CNBD1: variants seen among roughly 807,000 people sequenced by gnomAD.
CNBD1 encodes cyclic nucleotide-binding domain-containing protein 1.
CNBD1 carries 71 observed loss-of-function variants against 54.4 expected under a neutral mutation model. That is an observed-to-expected ratio of 1.30 (90% CI 1.08 to 1.59). The LOEUF (loss-of-function observed/expected upper bound fraction) is 1.59, where lower values mean the gene tolerates loss of function less well. Ranked by LOEUF, CNBD1 falls within the 40% of genes most tolerant of loss-of-function variation. The pLI is 0.00. For missense variants in CNBD1, 659 were observed against 518.0 expected (o/e 1.27, Z -2.64); for synonymous variants, 182 against 170.7 (o/e 1.07, Z -0.51).
At chr8:87,175,076 T>C (rs1176629929) in intron 4 of CNBD1, among the ~76,000 whole-genome samples, 1 of 152,146 alleles carries the variant, frequency 6.6e-6, no homozygotes, top group Non-Finnish European at 1.5e-5. Context: ...ACACCCTGGC[T>C]ACTGCCTGTG....
intron 8 of CNBD1, among the ~76,000 whole-genome samples, chr8:87,307,149 A>G (rs1451392779): frequency 6.6e-6 from 1 of 152,228 alleles, no homozygotes; most frequent in African/African-American, 2.4e-5. Flanking sequence ...TAGATTTCAT[A>G]AAAACATAAG....
At chr8:86,995,955 C>A (rs1188228022) in intron 4 of CNBD1, among the ~76,000 whole-genome samples, 6 of 152,078 alleles carry the variant, frequency 3.9e-5, no homozygotes, top group African/African-American at 7.2e-5. Flanking sequence ...CTGTTTCTTG[C>A]CAAATAAGTC....
At chr8:87,146,014 A>T (rs1812479039) in intron 4 of CNBD1, among the ~76,000 whole-genome samples, 1 of 152,070 alleles carries the variant, frequency 6.6e-6, no homozygotes, top group Non-Finnish European at 1.5e-5. Flanking sequence ...ACTTATTTTC[A>T]TTCCTTCTTT....
rs1420082935 is a variant in CNBD1, at chr8:87,182,667, T to A, written c.432-23326T>A. Among the ~76,000 whole-genome samples, 2 of 152,182 alleles carry A rather than the reference T, an allele frequency of 1.3e-5. No individual in the cohort carries two copies. The highest frequency in any genetic ancestry group is 4.8e-5 in the African/African-American group (2 of 41,448). ...TGGTGATGTTGAGCATTTTTTCATA[T>A]GTTTGCTGCCTGAATGTATGTCTTC... On this transcript the variant is annotated intron_variant, in intron 4 of 10. Transcript: ENST00000518476. This position sits in a 1 kb window ranked among gnomAD's most constrained non-coding sequence, Gnocchi z 4.1.
At chr8:87,221,804 TTAGCTGTG>T (rs1179860468) in intron 5 of CNBD1, among the ~76,000 whole-genome samples, 2 of 152,142 alleles carry the variant, frequency 1.3e-5, no homozygotes, top group Admixed American at 6.6e-5. Flanking sequence ...TCCCGTCCAG[TTAGCTGTG>T]TAATATTTAC....
intron 4 of CNBD1, among the ~76,000 whole-genome samples, chr8:87,102,953 A>G (rs1045721131): frequency 6.6e-6 from 1 of 152,134 alleles, no homozygotes; most frequent in Non-Finnish European, 1.5e-5. Context: ...ATATAGGGAG[A>G]GAGGGATTCA....
intron 2 of CNBD1, among the ~76,000 whole-genome samples, chr8:87,407,259 C>A (rs905520358): frequency 6.6e-6 from 1 of 152,004 alleles, no homozygotes; most frequent in African/African-American, 2.4e-5. Flanking sequence ...ATATAAGAAA[C>A]ACAGTATATC....
At chr8:87,366,406 T>A (rs1563571536) in intron 10 of CNBD1, among the ~76,000 whole-genome samples, 1 of 152,148 alleles carries the variant, frequency 6.6e-6, no homozygotes, top group East Asian at 1.9e-4. Context: ...GCTCCATCCA[T>A]CTGGCCCTCT....
intron 8 of CNBD1, among the ~76,000 whole-genome samples, chr8:87,286,958 C>A (rs1334067456): frequency 1.3e-5 from 2 of 152,144 alleles, no homozygotes; most frequent in Non-Finnish European, 2.9e-5. Context: ...ACTATAAGGG[C>A]CAAACTGAAA....
chr8:87,374,873 G>T (rs1429103362), intron 10 of CNBD1, among the ~76,000 whole-genome samples: 1 of 149,966 alleles, frequency 6.7e-6, no homozygotes, highest in East Asian at 1.9e-4. Flanking sequence ...ATAAACATTT[G>T]TTGAATTAAG....
At chr8:87,015,339 T>C (rs570855865) in intron 4 of CNBD1, among the ~76,000 whole-genome samples, 1 of 151,864 alleles carries the variant, frequency 6.6e-6, no homozygotes, top group South Asian at 2.1e-4. Flanking sequence ...CCTGCTACCA[T>C]GCCCAGCTAA....
At chr8:87,426,867 G>A (rs1053164797) in intron 2 of CNBD1, among the ~76,000 whole-genome samples, 1 of 152,166 alleles carries the variant, frequency 6.6e-6, no homozygotes, top group Non-Finnish European at 1.5e-5. Flanking sequence ...AATTTGACCA[G>A]GGATATACCC....
intron 2 of CNBD1, among the ~76,000 whole-genome samples, chr8:87,418,571 A>G (rs1267584419): frequency 6.6e-6 from 1 of 152,000 alleles, no homozygotes; most frequent in African/African-American, 2.4e-5. Flanking sequence ...AAGTGAAAAG[A>G]TGACCTACAA....
intron 4 of CNBD1, among the ~76,000 whole-genome samples, chr8:87,135,498 T>C (rs1344826606): frequency 1.3e-5 from 2 of 150,916 alleles, no homozygotes; most frequent in Non-Finnish European, 3.0e-5. Context: ...ATTTTGATGA[T>C]GCTCATCTTT....
intron 3 of CNBD1, among the ~76,000 whole-genome samples, chr8:86,910,417 C>T (rs1809083353): frequency 6.6e-6 from 1 of 151,866 alleles, no homozygotes; most frequent in Non-Finnish European, 1.5e-5. Flanking sequence ...GAATTTTTTT[C>T]AACCAGAATA....
At chr8:86,954,374 C>A (rs1196564047) in intron 4 of CNBD1, among the ~76,000 whole-genome samples, 2 of 152,108 alleles carry the variant, frequency 1.3e-5, no homozygotes, top group Non-Finnish European at 2.9e-5. Flanking sequence ...CTAAGGAAAA[C>A]CTTGTTGTGT....
At chr8:87,183,252 G>A (rs1813394371) in intron 4 of CNBD1, among the ~76,000 whole-genome samples, 1 of 151,998 alleles carries the variant, frequency 6.6e-6, no homozygotes. Context: ...CTCTTTTGTA[G>A]GTATATGTGT....
intron 4 of CNBD1, among the ~76,000 whole-genome samples, chr8:86,951,589 A>AAAAAAAAAAAAC (rs1807626364): frequency 8.7e-6 from 1 of 114,658 alleles, no homozygotes; most frequent in Non-Finnish European, 1.8e-5. Flanking sequence ...CACAAAAAAA[A>AAAAAAAAAAAAC]AAAAAAAAAA....
At chr8:87,274,979 G>C (rs1808443979) in intron 6 of CNBD1, among the ~76,000 whole-genome samples, 1 of 133,702 alleles carries the variant, frequency 7.5e-6, no homozygotes, top group Non-Finnish European at 1.6e-5. Context: ...TCCAGTTTCA[G>C]CTTTCTACAT....
Sources: allele counts gnomAD v4.1 joint callset (sites outside exome capture counted in the v4.1 genomes callset), GRCh38; gene constraint gnomAD v4.1.1; non-coding constraint Gnocchi (gnomAD v3.1); transcripts MANE v1.5; gene names NCBI Gene and HGNC (gene_info 2026-07-23, HGNC 2026-07-21).